Variants in GTSF1 observed in about 807,000 individuals in gnomAD.
The protein encoded by GTSF1 is gametocyte-specific factor 1.
GTSF1 carries 11 observed loss-of-function variants against 28.9 expected under a neutral mutation model. The ratio of observed to expected loss-of-function variants is 0.38; its 90% CI spans 0.24 to 0.63. GTSF1 has a LOEUF of 0.63. Among genes scored for constraint, GTSF1 ranks in the 30% least tolerant of loss-of-function variants. The pLI is 0.56. For synonymous variants in GTSF1, 69 were observed against 65.6 expected, an observed-to-expected ratio of 1.05 and a Z score of -0.25; for missense variants, 146 against 201.0, an observed-to-expected ratio of 0.73 and a Z score of 1.66.
rs1244012745 is a variant in GTSF1, at chr12:54,465,092, G to A, written c.92C>T (p.Pro31Leu). The change falls in exon 3 of 9, where the codon CCT becomes CTT. Residue 31 changes from proline to leucine, a missense_variant. Pro to Leu is a moderately conservative substitution (Grantham distance 98). Coordinates refer to ENST00000305879, the MANE Select transcript of GTSF1 (RefSeq NM_144594.3). ...KNHQIRACRFPYHLIKCRKNH... is the reference protein window; with the variant it reads ...KNHQIRACRFLYHLIKCRKNH... ...CTTTCTGCACTTGATAAGATGATAA[G>A]GAAACCTGCAAGCCCTGATTTGATG... is the stretch of plus-strand genomic sequence containing the variant. 4 of 1,613,024 alleles carry A rather than the reference G, an allele frequency of 2.5e-6. No individual in the cohort carries two copies. The highest frequency in any genetic ancestry group is 1.1e-5 in the South Asian group (1 of 91,044).
chr12:54,460,887 T>G (rs117003806), intron 6 of GTSF1, among the ~76,000 whole-genome samples: 1,835 of 152,356 alleles, frequency 0.012, 14 homozygotes, highest in Middle Eastern at 0.041. Flanking sequence ...AGTTTTTCTA[T>G]CTTAGTGCAC....
intron 3 of GTSF1, 77 bp from the exon 4 acceptor site, chr12:54,463,374 T>C (rs1397568121): frequency 3.9e-5 from 53 of 1,367,508 alleles, no homozygotes; most frequent in Non-Finnish European, 9.1e-6. Flanking sequence ...AGCCTTATTC[T>C]ACAAATGCCT....
rs546673838 is a variant in GTSF1 at position 54,462,453 on chromosome 12, A to G, written c.328+189T>C. On this transcript the variant is annotated intron_variant, in intron 5 of 8. Coordinates refer to ENST00000305879, the MANE Select transcript of GTSF1 (RefSeq NM_144594.3). ...CAGATGTAAAGAAGTGCTTTTTCCA[A>G]TCAAGAGGGATTGGCTGTTCCACGT... 7.2e-5 allele frequency among the ~76,000 whole-genome samples: 11 copies of G among 152,346 alleles called. No homozygotes were observed. The East Asian group carries it at 1.9e-3, about 27-fold the overall frequency.
At chr12:54,459,336 G>A in intron 7 of GTSF1, 2 of 1,437,128 alleles carry the variant, frequency 1.4e-6, no homozygotes, top group Non-Finnish European at 1.8e-6. Context: ...ATATAATTTG[G>A]TGACTTCATT....
chr12:54,458,947 C>T, intron 8 of GTSF1, 142 bp downstream of exon 8: 1 of 557,722 alleles, frequency 1.8e-6, no homozygotes, highest in South Asian at 2.7e-5. Context: ...ATAACAGAGG[C>T]TATATACTTA....
chr12:54,464,107 C>A (rs1256288609), intron 3 of GTSF1, among the ~76,000 whole-genome samples: 2 of 152,172 alleles, frequency 1.3e-5, no homozygotes, highest in African/African-American at 4.8e-5. Context: ...GTGTGAGAAA[C>A]TTGCAGGCAT....
intron 2 of GTSF1, among the ~76,000 whole-genome samples, chr12:54,469,341 T>A (rs920013747): frequency 1.3e-5 from 2 of 152,122 alleles, no homozygotes; most frequent in African/African-American, 4.8e-5. Context: ...CCTCCCAAAG[T>A]GTTGGGATTA....
At chr12:54,469,729 C>G (rs1193977567) in intron 2 of GTSF1, among the ~76,000 whole-genome samples, 2 of 150,206 alleles carry the variant, frequency 1.3e-5, no homozygotes, top group African/African-American at 2.4e-5. Context: ...TGCTCTGTCA[C>G]CCAGCCTGGG....
chr12:54,463,475 G>T, intron 3 of GTSF1, 178 bp from the exon 4 acceptor site: 1 of 563,286 alleles, frequency 1.8e-6, no homozygotes. Context: ...TGTTTTTATA[G>T]ACAATTACTT....
intron 3 of GTSF1, among the ~76,000 whole-genome samples, chr12:54,463,960 G>C (rs1407467885): frequency 6.6e-6 from 1 of 151,842 alleles, no homozygotes; most frequent in Non-Finnish European, 1.5e-5. Flanking sequence ...CAAAACAAAG[G>C]GTTTAGTATC....
chr12:54,462,231 T>C, intron 5 of GTSF1, 59 bp from the exon 6 acceptor site: 6 of 1,233,464 alleles, frequency 4.9e-6, no homozygotes, highest in Non-Finnish European at 7.1e-6. Flanking sequence ...CAGCAGTTCA[T>C]GTTGGTTGAA....
chr12:54,456,099 G>GA lies in GTSF1; in HGVS notation c.*74dup, dbSNP rs1423453551. ...TACCATTCTATAATTAGATTAGGAGGAAAATGAGAACCCACTGGTAGAAGA... is the reference window on the plus strand; with the variant it reads ...TACCATTCTATAATTAGATTAGGAGGAAAAATGAGAACCCACTGGTAGAAGA... On this transcript the variant is annotated 3_prime_UTR_variant, in exon 9 of 9. Transcript: ENST00000305879. 6.6e-6 allele frequency: 1 copy of GA among 152,534 alleles called. No individual in the cohort carries two copies. The highest frequency in any genetic ancestry group is 1.5e-5 in the Non-Finnish European group (1 of 68,024). The allele number at this position is 152,534 out of a possible 1,614,324, so 9.4% of individuals were successfully genotyped here. A position where few individuals can be genotyped will look rare whatever the true frequency, so the allele number is the denominator to read the frequency against.
At chr12:54,463,438 G>A (rs1048818459) in intron 3 of GTSF1, 141 bp from the exon 4 acceptor site, 9 of 657,166 alleles carry the variant, frequency 1.4e-5, no homozygotes, top group Non-Finnish European at 2.3e-5. Context: ...TAAACTCAGA[G>A]TAAAAAACTA....
At chr12:54,458,228 G>C (rs7972975) in intron 8 of GTSF1, among the ~76,000 whole-genome samples, 16,020 of 152,198 alleles carry the variant, frequency 0.11, 1,016 homozygotes, top group African/African-American at 0.17. Context: ...CAGGCACATA[G>C]GGTAACCTAA....
Position 54,459,082 on chromosome 12 carries a change from C to T in GTSF1, c.*20+7G>A. The T allele has an allele frequency of 1.3e-6, 2 of 1,589,090 alleles. No individual in the cohort carries two copies. The highest frequency in any genetic ancestry group is 1.7e-6 in the Non-Finnish European group (2 of 1,162,926). On this transcript the variant is annotated splice_region_variant and intron_variant, in intron 8 of 8. Transcript: ENST00000305879. Reference sequence around the variant, plus strand: ...AAGAGACAGTGAAATAAAACTGAAACACTTACTTGATGAGATAGGTATTCA... The same window carrying T: ...AAGAGACAGTGAAATAAAACTGAAATACTTACTTGATGAGATAGGTATTCA...
intron 2 of GTSF1, among the ~76,000 whole-genome samples, chr12:54,466,309 T>C (rs1956511568): frequency 6.6e-6 from 1 of 152,220 alleles, no homozygotes; most frequent in Non-Finnish European, 1.5e-5. Flanking sequence ...ATAAGAAGCT[T>C]ATAAACCAGG....
At chr12:54,464,121 C>T (rs765405435) in intron 3 of GTSF1, among the ~76,000 whole-genome samples, 5 of 152,242 alleles carry the variant, frequency 3.3e-5, no homozygotes, top group South Asian at 4.1e-4. Context: ...CAGGCATCGC[C>T]GTCATTTTCA....
At chr12:54,465,040 G>C in intron 3 of GTSF1, 27 bp downstream of exon 3, 1 of 1,399,000 alleles carries the variant, frequency 7.1e-7, no homozygotes, top group South Asian at 1.2e-5. Context: ...ACTCAGGAGG[G>C]TGTTAGAGGG....
chr12:54,459,311 A>T (rs1367872402), intron 7 of GTSF1, 186 bp from the exon 8 acceptor site: 1 of 1,442,862 alleles, frequency 6.9e-7, no homozygotes, highest in African/African-American at 1.4e-5. Context: ...ACCTTTACCT[A>T]CCAAGCCTTT....
Sources: allele counts gnomAD v4.1 joint callset (sites outside exome capture counted in the v4.1 genomes callset), GRCh38; gene constraint gnomAD v4.1.1; transcripts MANE v1.5; gene names NCBI Gene and HGNC (gene_info 2026-07-23, HGNC 2026-07-21).